Variants in DNAAF1 observed in about 807,000 individuals in gnomAD.
DNAAF1 encodes the protein dynein assembly factor 1, axonemal.
A neutral mutation model predicts 71.1 loss-of-function variants in DNAAF1; 65 were observed. That is an observed-to-expected ratio of 0.91 (90% CI 0.75 to 1.12). DNAAF1 has a LOEUF of 1.12. Among genes scored for constraint, DNAAF1 ranks in the 50% most tolerant of loss-of-function variants. DNAAF1 has a pLI of 0.00. For missense variants in DNAAF1, 1,178 were observed against 899.8 expected, an observed-to-expected ratio of 1.31 and a Z score of -3.96; for synonymous variants, 414 against 354.6, an observed-to-expected ratio of 1.17 and a Z score of -1.88.
At chr16:84,156,673 T>C (rs35700194) in intron 5 of DNAAF1, among the ~76,000 whole-genome samples, 44,935 of 151,994 alleles carry the variant, frequency 0.3, 6,704 homozygotes, top group African/African-American at 0.34. Flanking sequence ...CTTTCCAGTT[T>C]TCTCACTCTC....
intron 7 of DNAAF1, among the ~76,000 whole-genome samples, chr16:84,168,548 G>A (rs946770040): frequency 3.9e-5 from 6 of 152,080 alleles, no homozygotes; most frequent in African/African-American, 7.2e-5. Flanking sequence ...AAAGTGCTGG[G>A]ATTACAGACG....
chr16:84,176,365 C>T (rs1438907713), intron 11 of DNAAF1, 66 bp downstream of exon 11: 2 of 1,606,366 alleles, frequency 1.2e-6, no homozygotes, highest in Non-Finnish European at 1.7e-6. Flanking sequence ...ATGGGTGGGG[C>T]AGGGCAGTCA....
chr16:84,149,122 C>T lies in DNAAF1; in HGVS notation c.240C>T (p.Asp80=), dbSNP rs1555520046. The change falls in exon 2 of 12, where the codon GAC becomes GAT. Residue 80 remains aspartate (D), a synonymous_variant. Coordinates refer to ENST00000378553, the MANE Select transcript of DNAAF1 (RefSeq NM_178452.6). ...SGGHFAHPRE[D]REDRGPRMTK... ...GTCACTTCGCACACCCAAGAGAAGA[C>T]AGGGAAGATCGGGGCCCCAGGTATG... The T allele has an allele frequency of 6.2e-7, 1 of 1,614,060 alleles. No homozygotes were observed. Among genetic ancestry groups the T allele is most frequent in the South Asian group, 1.1e-5 (1 of 91,066 alleles).
rs776472787 is a variant in DNAAF1 at position 84,165,790 on chromosome 16, G to A, written c.871G>A (p.Ala291Thr). The A allele has an allele frequency of 1.9e-6, 3 of 1,613,614 alleles. No individual in the cohort carries two copies. In the South Asian group the frequency reaches 3.3e-5, roughly 18 times the overall value. ...RPVFPKDRACAEAWARGGYAA... is the reference protein window; with the variant it reads ...RPVFPKDRACTEAWARGGYAA... ...TCTTTGTTTTTTAAACAGAGCTTGT[G>A]CGGAGGCCTGGGCTAGGGGAGGGTA... The change falls in exon 7 of 12, where the codon GCG (alanine) becomes ACG (threonine). Residue 291 changes from alanine to threonine, a missense_variant. Coordinates refer to ENST00000378553, the MANE Select transcript of DNAAF1 (RefSeq NM_178452.6).
rs772659833 is a variant in DNAAF1 at position 84,169,929 on chromosome 16, G to C, written c.1101G>C (p.Gly367=). 2 of 1,614,018 alleles carry C rather than the reference G, an allele frequency of 1.2e-6. No individual in the cohort carries two copies. The highest frequency in any genetic ancestry group is 2.7e-5 in the African/African-American group (2 of 74,942). ...CGGAAGGCAAGGAGGAGCCTCCCGG[G>C]GACAGAGAAACAAGGCAGAAGATGG... is the stretch of plus-strand genomic sequence containing the variant. ...ASAEGKEEPP[G]DRETRQKMEL... is the part of the protein sequence containing the mutation. Residue 367 remains glycine, a synonymous_variant, in exon 8 of 12, where the codon GGG becomes GGC. Coordinates refer to ENST00000378553, the MANE Select transcript of DNAAF1 (RefSeq NM_178452.6).
intron 9 of DNAAF1, chr16:84,173,364 T>C (rs2088472620): frequency 7.6e-6 from 5 of 656,210 alleles, no homozygotes; most frequent in African/African-American, 2.0e-5. Flanking sequence ...CTTGGGAGGC[T>C]GAGGCAGGAG....
intron 3 of DNAAF1, 55 bp downstream of exon 3, chr16:84,150,397 G>T: frequency 1.4e-6 from 2 of 1,413,090 alleles, no homozygotes; most frequent in Non-Finnish European, 1.0e-6. Flanking sequence ...TCTGTCTAGC[G>T]GTATAAAAAA....
At chr16:84,173,488 G>C in intron 9 of DNAAF1, 1 of 984,008 alleles carries the variant, frequency 1.0e-6, no homozygotes, top group Non-Finnish European at 1.2e-6. Context: ...GAGTTAAAGT[G>C]ATCACGGTCA....
rs187834889 is a variant in DNAAF1, at chr16:84,154,994, T to C, written c.574+196T>C. Among the ~76,000 whole-genome samples, 189 of 151,788 alleles carry C rather than the reference T, an allele frequency of 1.2e-3. 1 individual carries two copies. The highest frequency in any genetic ancestry group is 0.012 in the East Asian group (62 of 5,130). ...CGCGATCTCAGCTCACTGCAAGCTCTGCCTCCCGGGTTCATGCCATTCTCC... is the reference window on the plus strand; with the variant it reads ...CGCGATCTCAGCTCACTGCAAGCTCCGCCTCCCGGGTTCATGCCATTCTCC... On this transcript the variant is annotated intron_variant, in intron 4 of 11. Coordinates refer to ENST00000378553, the MANE Select transcript of DNAAF1 (RefSeq NM_178452.6).
chr16:84,149,013 A>G lies in DNAAF1; in HGVS notation c.131A>G (p.Asn44Ser), dbSNP rs779769867. ...GATCTCTTTTATTTTACAGAAATTA[A>G]TGATCCTAAGGAAATATGTGTGGGT... ...AGRGGCKEEI[N>S]DPKEICVGSS... The change falls in exon 2 of 12, where the codon AAT (asparagine) becomes AGT (serine). Residue 44 changes from asparagine to serine, a missense_variant. Physicochemically the swap from Asn to Ser is conservative, Grantham distance 46. Transcript: ENST00000378553. 2.5e-6 allele frequency: 4 copies of G among 1,613,970 alleles called. No homozygotes were observed. The highest frequency in any genetic ancestry group is 4.5e-5 in the East Asian group (2 of 44,880).
intron 5 of DNAAF1, among the ~76,000 whole-genome samples, chr16:84,156,267 C>T (rs536377311): frequency 1.3e-5 from 2 of 152,314 alleles, no homozygotes; most frequent in Admixed American, 6.5e-5. Flanking sequence ...CCAACCACCA[C>T]TCAATTAATT....
At chr16:84,154,931 CAG>C (rs2087343351) in intron 4 of DNAAF1, 133 bp downstream of exon 4, 1 of 815,336 alleles carries the variant, frequency 1.2e-6, no homozygotes, top group African/African-American at 1.7e-5. Context: ...TTTTTTGAGA[CAG>C]AGTCTTGCTC....
chr16:84,176,308 G>C lies in DNAAF1; in HGVS notation c.2065+9G>C, dbSNP rs200690810. The C allele has an allele frequency of 9.9e-6, 16 of 1,613,048 alleles. No homozygotes were observed. Among genetic ancestry groups the C allele is most frequent in the Non-Finnish European group, 1.4e-5 (16 of 1,179,950 alleles). On this transcript the variant is annotated intron_variant, in intron 11 of 11. Transcript: ENST00000378553. ...TGCAGCCTCTTCTCCGGGTAAGAGC[G>C]TGGGGCCGAGAGCACAGTGGAGACA...
At chr16:84,149,209 G>C (rs1410426131) in intron 2 of DNAAF1, 67 bp downstream of exon 2, 2 of 1,587,452 alleles carry the variant, frequency 1.3e-6, no homozygotes, top group Admixed American at 1.7e-5. Context: ...TCACCCCCTT[G>C]TACGGATAAT....
At chr16:84,169,806 C>G in intron 7 of DNAAF1, 53 bp from the exon 8 acceptor site, 1 of 1,610,938 alleles carries the variant, frequency 6.2e-7, no homozygotes, top group Non-Finnish European at 8.5e-7. Context: ...CCCACAAACA[C>G]CCTTGTCCTC....
intron 1 of DNAAF1, among the ~76,000 whole-genome samples, chr16:84,148,041 C>A (rs1423687008): frequency 6.6e-6 from 1 of 151,988 alleles, no homozygotes; most frequent in Non-Finnish European, 1.5e-5. Flanking sequence ...GCACTCCAAC[C>A]TGGGGGATAG....
rs371678330 is a variant in DNAAF1 at position 84,174,731 on chromosome 16, C to T, written c.1698+9C>T. On this transcript the variant is annotated intron_variant, in intron 10 of 11. Transcript: ENST00000378553. ...AATCTCTGGAAGACCAGGTTAAGGT[C>T]ATTAGAAACCATTTTCCCACAGGCA... The T allele has an allele frequency of 2.6e-5, 42 of 1,614,056 alleles. No individual in the cohort carries two copies. In the African/African-American group the frequency reaches 4.3e-4, roughly 16 times the overall value.
At chr16:84,170,641 C>T (rs894799806) in intron 8 of DNAAF1, among the ~76,000 whole-genome samples, 55 of 135,780 alleles carry the variant, frequency 4.1e-4, no homozygotes, top group African/African-American at 1.3e-3. Flanking sequence ...TCAGACCAGC[C>T]TCAGAAATAC....
chr16:84,150,597 AT>A (rs113037324), intron 3 of DNAAF1, among the ~76,000 whole-genome samples: 2,207 of 149,372 alleles, frequency 0.015, 58 homozygotes, highest in African/African-American at 0.047. Context: ...TTCCTAAGGA[AT>A]TTTTTTTTCT....
Sources: gnomAD v4.1 joint callset for allele counts (sites outside exome capture counted in the v4.1 genomes callset) on GRCh38, gnomAD v4.1.1 for gene constraint, MANE v1.5 for transcripts, NCBI Gene and HGNC (gene_info 2026-07-23, HGNC 2026-07-21) for gene names.